The following GPC6 variants were observed in gnomAD, a reference collection of about 807,000 sequenced individuals.
The protein encoded by GPC6 is glypican 6, also known as glypican-6.
Under a neutral mutation model 55.2 loss-of-function variants are expected in GPC6, and 14 were observed. The observed-to-expected ratio is 0.25, with a 90% confidence interval of 0.17 to 0.40. The LOEUF is 0.40. Ranked by LOEUF, GPC6 falls within the 10% of genes least tolerant of loss-of-function variation. The pLI, the probability that GPC6 is intolerant of heterozygous loss-of-function variation, is 1.00. For missense variants in GPC6, 641 were observed against 708.5 expected, an observed-to-expected ratio of 0.90 and a Z score of 1.08; for synonymous variants, 278 against 259.6, an observed-to-expected ratio of 1.07 and a Z score of -0.68.
chr13:93,444,818 T>C (rs1877941841), intron 1 of GPC6, among the ~76,000 whole-genome samples: 1 of 152,250 alleles, frequency 6.6e-6, no homozygotes, highest in Non-Finnish European at 1.5e-5. Context: ...ATATGTCATA[T>C]GCAGTTCATT....
intron 1 of GPC6, among the ~76,000 whole-genome samples, chr13:93,519,614 C>T (rs2590539): frequency 0.94 from 143,313 of 151,984 alleles, 68,125 homozygotes; most frequent in East Asian, 1. Context: ...CTCACCAAAG[C>T]ACATCTTAGC....
At chr13:94,093,212 T>C (rs2138814884) in intron 4 of GPC6, among the ~76,000 whole-genome samples, 1 of 152,226 alleles carries the variant, frequency 6.6e-6, no homozygotes, top group South Asian at 2.1e-4. Context: ...AAAATTTTTT[T>C]CCTCTTTTTC....
At chr13:93,942,366 C>T (rs1391288534) in intron 3 of GPC6, among the ~76,000 whole-genome samples, 5 of 152,166 alleles carry the variant, frequency 3.3e-5, no homozygotes, top group African/African-American at 4.8e-5. Context: ...GTCACCCAGG[C>T]TGGAGTGTAG....
Position 93,719,117 on chromosome 13 carries a change from G to A in GPC6, c.320-111037G>A, listed in dbSNP as rs189067140. ...TAAAGTAGCTTTTTTCTAATTCTGC[G>A]AAGAAAGTCAAAGGTAGCTTGATGG... On this transcript the variant is annotated intron_variant, in intron 2 of 8. Coordinates refer to ENST00000377047, the MANE Select transcript of GPC6 (RefSeq NM_005708.5). Among the ~76,000 whole-genome samples the A allele has an allele frequency of 1.8e-3, 272 of 152,072 alleles. 1 individual carries two copies. Among genetic ancestry groups the A allele is most frequent in the Non-Finnish European group, 3.4e-3 (229 of 67,944 alleles).
intron 1 of GPC6, among the ~76,000 whole-genome samples, chr13:93,370,364 G>T (rs1410507395): frequency 6.6e-6 from 1 of 151,948 alleles, no homozygotes; most frequent in Non-Finnish European, 1.5e-5. Flanking sequence ...TTTCTTCCTT[G>T]AATAAGGCAG....
At chr13:93,796,590 T>A (rs2138930477) in intron 2 of GPC6, among the ~76,000 whole-genome samples, 1 of 152,330 alleles carries the variant, frequency 6.6e-6, no homozygotes, top group African/African-American at 2.4e-5. Flanking sequence ...AGAAGGCTTT[T>A]CCAATCCTAG....
intron 5 of GPC6, among the ~76,000 whole-genome samples, chr13:94,302,220 T>G (rs1325759552): frequency 6.6e-6 from 1 of 152,208 alleles, no homozygotes; most frequent in Non-Finnish European, 1.5e-5. Flanking sequence ...TTTGTCACAT[T>G]TCTGGAGGCT....
At chr13:93,900,221 A>G (rs1162907835) in intron 3 of GPC6, among the ~76,000 whole-genome samples, 2 of 152,120 alleles carry the variant, frequency 1.3e-5, no homozygotes, top group Non-Finnish European at 2.9e-5. Context: ...TAACTCTCAG[A>G]CCTAAAGAGA....
intron 1 of GPC6, among the ~76,000 whole-genome samples, chr13:93,322,699 C>CAAATAGTGGCTGGGATTAGACCCCAA (rs1198446077): frequency 6.6e-6 from 1 of 152,024 alleles, no homozygotes; most frequent in Non-Finnish European, 1.5e-5. Context: ...CTCAGCCTCC[C>CAAATAGTGGCTGGGATTAGACCCCAA]AAAGTGCTGG....
At chr13:93,477,376 A>G (rs1159295607) in intron 1 of GPC6, among the ~76,000 whole-genome samples, 1 of 152,180 alleles carries the variant, frequency 6.6e-6, no homozygotes, top group Admixed American at 6.5e-5. Flanking sequence ...TCTTGACTTT[A>G]TGGATGTTAG....
intron 4 of GPC6, among the ~76,000 whole-genome samples, chr13:94,063,462 G>A (rs1884406993): frequency 6.6e-6 from 1 of 152,088 alleles, no homozygotes; most frequent in Non-Finnish European, 1.5e-5. Context: ...TGCTAACATA[G>A]GAATTTTTTT....
At chr13:93,674,704 T>C (rs2139632766) in intron 2 of GPC6, among the ~76,000 whole-genome samples, 1 of 152,310 alleles carries the variant, frequency 6.6e-6, no homozygotes, top group East Asian at 1.9e-4. Context: ...GATTTAGTGT[T>C]GTGCTGATGA....
chr13:93,503,244 A>G (rs1419316795), intron 1 of GPC6, among the ~76,000 whole-genome samples: 9 of 152,190 alleles, frequency 5.9e-5, no homozygotes, highest in African/African-American at 1.7e-4. Flanking sequence ...AATTACAACT[A>G]TGACAAATAC....
intron 6 of GPC6, among the ~76,000 whole-genome samples, chr13:94,339,523 T>G (rs1877910329): frequency 1.3e-5 from 2 of 152,154 alleles, no homozygotes; most frequent in Non-Finnish European, 2.9e-5. Flanking sequence ...ATAAGTTGAA[T>G]GTGAATATTT....
At chr13:93,690,849 A>G (rs1476764077) in intron 2 of GPC6, among the ~76,000 whole-genome samples, 2 of 152,012 alleles carry the variant, frequency 1.3e-5, no homozygotes, top group African/African-American at 4.8e-5. Context: ...ACCTTTTCCT[A>G]TCTGCAGCAT....
chr13:93,413,586 A>G (rs1414880479), intron 1 of GPC6, among the ~76,000 whole-genome samples: 1 of 150,102 alleles, frequency 6.7e-6, no homozygotes, highest in African/African-American at 2.4e-5. Flanking sequence ...AGAGATGAGT[A>G]TAAAGTTGAG....
At chr13:94,313,663 T>C (rs1433550015) in intron 6 of GPC6, among the ~76,000 whole-genome samples, 1 of 152,192 alleles carries the variant, frequency 6.6e-6, no homozygotes, top group Non-Finnish European at 1.5e-5. Context: ...TTATGCAACA[T>C]GTTTTGGAAG....
At chr13:94,360,186 G>A (rs1308382136) in intron 6 of GPC6, among the ~76,000 whole-genome samples, 2 of 152,204 alleles carry the variant, frequency 1.3e-5, no homozygotes, top group Non-Finnish European at 2.9e-5. Flanking sequence ...GCCAGGAGGA[G>A]TTTTTAGGAC....
At chr13:93,382,190 A>G (rs943308755) in intron 1 of GPC6, among the ~76,000 whole-genome samples, 6 of 152,148 alleles carry the variant, frequency 3.9e-5, no homozygotes, top group African/African-American at 7.2e-5. Context: ...ATCTAACTTG[A>G]TGTCAGCATG....
Sources: allele counts gnomAD v4.1 joint callset (sites outside exome capture counted in the v4.1 genomes callset), GRCh38; gene constraint gnomAD v4.1.1; transcripts MANE v1.5; gene names NCBI Gene and HGNC (gene_info 2026-07-23, HGNC 2026-07-21).